ALDH1L1: variants seen among roughly 807,000 people sequenced by gnomAD.
ALDH1L1 encodes the protein cytosolic 10-formyltetrahydrofolate dehydrogenase.
A neutral mutation model predicts 101.1 loss-of-function variants in ALDH1L1; 68 were observed. That is an observed-to-expected ratio of 0.67 (90% CI 0.55 to 0.82). ALDH1L1 has a LOEUF of 0.82. ALDH1L1 is among the 40% of genes least tolerant of loss of function. The pLI is 0.00. For missense variants in ALDH1L1, 1,087 were observed against 1,172.7 expected (o/e 0.93, Z 1.07); for synonymous variants, 486 against 470.8 (o/e 1.03, Z -0.42).
chr3:126,163,293 CGTT>C (rs2081099460), intron 1 of ALDH1L1, among the ~76,000 whole-genome samples: 1 of 152,118 alleles, frequency 6.6e-6, no homozygotes, highest in Non-Finnish European at 1.5e-5. Flanking sequence ...TGTACACTGA[CGTT>C]GTATTAACTA....
At chr3:126,176,907 C>T (rs1040496649) in intron 1 of ALDH1L1, among the ~76,000 whole-genome samples, 6 of 152,008 alleles carry the variant, frequency 3.9e-5, no homozygotes, top group Non-Finnish European at 4.4e-5. Context: ...GTAAATTAAC[C>T]GACATTCACA....
intron 2 of ALDH1L1, chr3:126,160,181 C>A (rs1361972478): frequency 6.5e-6 from 1 of 153,058 alleles, no homozygotes; most frequent in East Asian, 1.9e-4. Context: ...CCCAGGTTAA[C>A]AATTTCACCT....
At chr3:126,184,096 AT>A (rs753336922), upstream of ALDH1L1, among the ~76,000 whole-genome samples, 7 of 152,188 alleles carry the variant, frequency 4.6e-5, no homozygotes, top group Non-Finnish European at 8.8e-5. Context: ...TAACTGTGTG[AT>A]TTCCGAATCC....
chr3:126,189,321 C>T (rs1308208390), intron 1 of ALDH1L1, among the ~76,000 whole-genome samples: 4 of 152,182 alleles, frequency 2.6e-5, no homozygotes, highest in Admixed American at 1.3e-4. Flanking sequence ...ACAGGGAAAG[C>T]GTCTCATTAA....
chr3:126,142,185 G>A (rs2080581840), intron 9 of ALDH1L1, among the ~76,000 whole-genome samples: 1 of 146,958 alleles, frequency 6.8e-6, no homozygotes, highest in Non-Finnish European at 1.5e-5. Flanking sequence ...AACTAGTAAG[G>A]AAACTGAATC....
chr3:126,174,600 C>T (rs1057477183), intron 1 of ALDH1L1, among the ~76,000 whole-genome samples: 4 of 151,978 alleles, frequency 2.6e-5, no homozygotes, highest in African/African-American at 4.8e-5. Context: ...AGAAAGATAT[C>T]TGAAAAACAT....
chr3:126,173,492 T>C (rs891180646), intron 1 of ALDH1L1, among the ~76,000 whole-genome samples: 4 of 152,000 alleles, frequency 2.6e-5, no homozygotes, highest in Admixed American at 6.5e-5. Flanking sequence ...AATGGAATCA[T>C]ATAAAATGCT....
intron 1 of ALDH1L1, among the ~76,000 whole-genome samples, chr3:126,188,879 G>A (rs138258630): frequency 1.3e-5 from 2 of 152,266 alleles, no homozygotes; most frequent in African/African-American, 4.8e-5. Context: ...ATCAACTACA[G>A]TCGAATAGAT....
At chr3:126,164,693 G>T (rs571916445) in intron 1 of ALDH1L1, among the ~76,000 whole-genome samples, 1 of 152,334 alleles carries the variant, frequency 6.6e-6, no homozygotes, top group Non-Finnish European at 1.5e-5. Context: ...AAGCGCATGT[G>T]TCTTTTTCAT....
At chr3:126,146,969 G>A in intron 8 of ALDH1L1, 43 bp from the exon 9 acceptor site, 1 of 1,584,234 alleles carries the variant, frequency 6.3e-7, no homozygotes, top group Non-Finnish European at 8.6e-7. Flanking sequence ...CAGGGGAGCT[G>A]GGGACAAGTG....
At chr3:126,106,051 G>A (rs1945858271) in intron 21 of ALDH1L1, 126 bp from the exon 22 acceptor site, 1 of 1,017,252 alleles carries the variant, frequency 9.8e-7, no homozygotes, top group Non-Finnish European at 1.4e-6. Flanking sequence ...GTGCCGGGCT[G>A]CAGCGCCGGG....
In ALDH1L1 at chr3:126,114,539, T is replaced by A; in HGVS notation, c.2082+18A>T. 1 of 1,487,316 alleles carries A rather than the reference T, an allele frequency of 6.7e-7. No homozygotes were observed. The highest frequency in any genetic ancestry group is 8.9e-7 in the Non-Finnish European group (1 of 1,118,262). The allele number at this position is 1,487,316 out of a possible 1,614,324, so 92.1% of individuals were successfully genotyped here. Reference sequence around the variant, plus strand: ...GTTCCCGCTCACTGTCCCTGCCCCCTCCAGGCCCGGCCCTCACCATCTGCA... The same window carrying A: ...GTTCCCGCTCACTGTCCCTGCCCCCACCAGGCCCGGCCCTCACCATCTGCA... On this transcript the variant is annotated intron_variant, in intron 18 of 22. Transcript: ENST00000393434.
At chr3:126,123,778 A>G (rs1334014673) in intron 16 of ALDH1L1, among the ~76,000 whole-genome samples, 1 of 152,184 alleles carries the variant, frequency 6.6e-6, no homozygotes, top group East Asian at 1.9e-4. Flanking sequence ...GGATGGAGAC[A>G]AACAAGCAAT....
chr3:126,128,563 G>A (rs2080233896), intron 14 of ALDH1L1: 1 of 152,252 alleles, frequency 6.6e-6, no homozygotes, highest in Admixed American at 6.5e-5. Context: ...AAGCCCAGAG[G>A]CCCTGGCGGC....
rs1433601410 is a variant in ALDH1L1 at position 126,107,235 on chromosome 3, C to G, written c.2359G>C (p.Glu787Gln). Residue 787 changes from glutamate (E) to glutamine (Q), a missense_variant, in exon 21 of 23, where the codon GAG becomes CAG. This residue lies in a region of ALDH1L1 where 442 missense variants were observed against 535.7 expected (regional missense o/e 0.83). Coordinates refer to ENST00000393434, the MANE Select transcript of ALDH1L1 (RefSeq NM_012190.4). ...TCCACGTCTGTGAAAACAGTTGGCT[C>G]AAAGAAGAACCCTGCAAGAGAGATA... ...NQVPRPGFFF[E>Q]PTVFTDVEDH... 6.2e-7 allele frequency: 1 copy of G among 1,613,862 alleles called. No homozygotes were observed. The highest frequency in any genetic ancestry group is 8.5e-7 in the Non-Finnish European group (1 of 1,179,894).
At chr3:126,155,925 T>C (rs1276714370) in intron 4 of ALDH1L1, 1 of 152,954 alleles carries the variant, frequency 6.5e-6, no homozygotes, top group Non-Finnish European at 1.5e-5. Context: ...TGTTTCTCTG[T>C]GACAGGAAAG....
chr3:126,120,272 G>A (rs1047045387), intron 16 of ALDH1L1, among the ~76,000 whole-genome samples: 5 of 152,332 alleles, frequency 3.3e-5, no homozygotes, highest in Middle Eastern at 3.4e-3. Flanking sequence ...ATGTGAATCA[G>A]ACAAGGGAAA....
chr3:126,157,599 G>A (rs777473242), intron 3 of ALDH1L1, 91 bp from the exon 4 acceptor site: 3 of 1,441,006 alleles, frequency 2.1e-6, no homozygotes, highest in Non-Finnish European at 2.8e-6. Context: ...CACCCTCCAG[G>A]AGGCCCTCTC....
chr3:126,169,555 TGATGTGTGGTAAGTAAA>T (rs1461367574), intron 1 of ALDH1L1, among the ~76,000 whole-genome samples: 1 of 152,216 alleles, frequency 6.6e-6, no homozygotes, highest in Non-Finnish European at 1.5e-5. Flanking sequence ...ACAGGGTTTC[TGATGTGTGGTAAGTAAA>T]GAATGTCACT....
Sources: allele counts gnomAD v4.1 joint callset (sites outside exome capture counted in the v4.1 genomes callset), GRCh38; gene constraint gnomAD v4.1.1; regional missense constraint gnomAD v4.1.1; transcripts MANE v1.5; gene names NCBI Gene and HGNC (gene_info 2026-07-23, HGNC 2026-07-21).